The following EXOC6B variants were observed in gnomAD, a reference collection of about 807,000 sequenced individuals.
EXOC6B encodes the protein exocyst complex component 6B, also known as SEC15 homolog B.
EXOC6B carries 54 observed loss-of-function variants against 113.5 expected under a neutral mutation model. That is an observed-to-expected ratio of 0.48 (90% CI 0.38 to 0.60). EXOC6B has a LOEUF of 0.60. Among genes scored for constraint, EXOC6B ranks in the 20% least tolerant of loss-of-function variants. The pLI, the probability that EXOC6B is intolerant of heterozygous loss-of-function variation, is 0.00. For missense variants in EXOC6B, 797 were observed against 977.5 expected (o/e 0.82, Z 2.46); for synonymous variants, 357 against 339.0 (o/e 1.05, Z -0.58).
At chr2:72,434,267 G>A (rs2105308643) in intron 18 of EXOC6B, among the ~76,000 whole-genome samples, 1 of 152,276 alleles carries the variant, frequency 6.6e-6, no homozygotes, top group East Asian at 1.9e-4. Flanking sequence ...CTTGATCATG[G>A]TGGATAAGCT....
chr2:72,735,633 T>C (rs897313378), intron 2 of EXOC6B, among the ~76,000 whole-genome samples: 1 of 151,516 alleles, frequency 6.6e-6, no homozygotes, highest in African/African-American at 2.4e-5. Flanking sequence ...CTGGCCAACA[T>C]GGTGAAACCC....
chr2:72,490,986 A>G (rs575873187), intron 16 of EXOC6B, among the ~76,000 whole-genome samples: 1 of 152,146 alleles, frequency 6.6e-6, no homozygotes, highest in Non-Finnish European at 1.5e-5. Context: ...TATAATGAAG[A>G]GATAGTTCAC....
intron 5 of EXOC6B, among the ~76,000 whole-genome samples, chr2:72,727,545 G>C (rs1433095524): frequency 6.6e-6 from 1 of 152,072 alleles, no homozygotes; most frequent in African/African-American, 2.4e-5. Flanking sequence ...ACTTGAATTG[G>C]GTATGCCGAT....
At chr2:72,264,510 G>A (rs1446076118) in intron 20 of EXOC6B, among the ~76,000 whole-genome samples, 1 of 152,162 alleles carries the variant, frequency 6.6e-6, no homozygotes, top group African/African-American at 2.4e-5. Context: ...GGCAGAGGCT[G>A]CAGTGAGCCA....
chr2:72,184,912 T>A (rs1040664058), intron 20 of EXOC6B, among the ~76,000 whole-genome samples: 2 of 152,176 alleles, frequency 1.3e-5, no homozygotes, highest in African/African-American at 4.8e-5. Context: ...AATTGGGTTA[T>A]GAGTGTTAAA....
intron 6 of EXOC6B, among the ~76,000 whole-genome samples, chr2:72,628,549 T>C (rs1448803385): frequency 6.6e-6 from 1 of 152,132 alleles, no homozygotes; most frequent in African/African-American, 2.4e-5. Flanking sequence ...ACCCACAATA[T>C]GATGGTATTA....
At chr2:72,550,844 T>C (rs1703169649) in intron 8 of EXOC6B, among the ~76,000 whole-genome samples, 1 of 151,956 alleles carries the variant, frequency 6.6e-6, no homozygotes, top group Non-Finnish European at 1.5e-5. Flanking sequence ...CTTTTAAAAA[T>C]ACCAATACTG....
intron 6 of EXOC6B, among the ~76,000 whole-genome samples, chr2:72,637,417 C>T (rs995051254): frequency 6.6e-6 from 1 of 151,408 alleles, no homozygotes; most frequent in Non-Finnish European, 1.5e-5. Context: ...TTATGAGGAA[C>T]TTAAACAAAT....
intron 18 of EXOC6B, among the ~76,000 whole-genome samples, chr2:72,455,390 G>T (rs956724891): frequency 2.0e-5 from 3 of 152,160 alleles, no homozygotes; most frequent in African/African-American, 7.2e-5. Context: ...TCCGGGAATT[G>T]TTCTGGTCAC....
At chr2:72,652,893 C>T (rs185460437) in intron 6 of EXOC6B, among the ~76,000 whole-genome samples, 3 of 151,228 alleles carry the variant, frequency 2.0e-5, no homozygotes, top group Non-Finnish European at 4.4e-5. Context: ...CACCTGCAGT[C>T]CCATCATTTT....
At chr2:72,706,722 C>T (rs1241924141) in intron 6 of EXOC6B, among the ~76,000 whole-genome samples, 1 of 152,102 alleles carries the variant, frequency 6.6e-6, no homozygotes, top group African/African-American at 2.4e-5. Flanking sequence ...CAGACTATGG[C>T]CTCGTGGAAT....
chr2:72,296,713 C>G (rs1169464680), intron 20 of EXOC6B, among the ~76,000 whole-genome samples: 1 of 152,096 alleles, frequency 6.6e-6, no homozygotes, highest in South Asian at 2.1e-4. Context: ...TAAAACACAT[C>G]TCAAGAGACT....
At chr2:72,233,621 C>A (rs999490929) in intron 20 of EXOC6B, among the ~76,000 whole-genome samples, 3 of 152,216 alleles carry the variant, frequency 2.0e-5, no homozygotes, top group Non-Finnish European at 4.4e-5. Flanking sequence ...TCCAGGGGGA[C>A]CTCTACAAGC....
At chr2:72,690,862 T>A (rs1440035065) in intron 6 of EXOC6B, among the ~76,000 whole-genome samples, 1 of 152,212 alleles carries the variant, frequency 6.6e-6, no homozygotes, top group Non-Finnish European at 1.5e-5. Context: ...TCCTCATTCC[T>A]AATACCTGTG....
In EXOC6B at chr2:72,621,992, C is replaced by T. The variant is rs79923971; in HGVS notation, c.670-46324G>A. Among the ~76,000 whole-genome samples, 21 of 151,810 alleles carry T rather than the reference C, an allele frequency of 1.4e-4. No homozygotes were observed. In the East Asian group the frequency reaches 3.9e-3, roughly 28 times the overall value. On this transcript the variant is annotated intron_variant, in intron 6 of 21. Transcript: ENST00000272427. ...TTTAATTAAGATGTTTATACATTAACTTAAAAAGATGTCCATGCCACAATA... is the reference window on the plus strand; with the variant it reads ...TTTAATTAAGATGTTTATACATTAATTTAAAAAGATGTCCATGCCACAATA...
intron 19 of EXOC6B, among the ~76,000 whole-genome samples, chr2:72,361,066 A>G (rs1322071992): frequency 1.3e-5 from 2 of 152,056 alleles, no homozygotes; most frequent in East Asian, 1.9e-4. Context: ...ATCTTGTCTT[A>G]TAACTAGGAT....
At chr2:72,796,393 C>A (rs1684952881) in intron 1 of EXOC6B, among the ~76,000 whole-genome samples, 1 of 146,490 alleles carries the variant, frequency 6.8e-6, no homozygotes, top group Non-Finnish European at 1.5e-5. Context: ...GTGGAGGTTG[C>A]AGTGAGCTGA....
At chr2:72,493,163 G>C (rs982002891) in intron 15 of EXOC6B, among the ~76,000 whole-genome samples, 1 of 152,018 alleles carries the variant, frequency 6.6e-6, no homozygotes, top group Non-Finnish European at 1.5e-5. Flanking sequence ...TCACATGAAT[G>C]GTAGTTACAC....
At chr2:72,368,172 T>C (rs1344690136) in intron 19 of EXOC6B, among the ~76,000 whole-genome samples, 6 of 152,032 alleles carry the variant, frequency 3.9e-5, no homozygotes, top group Non-Finnish European at 8.8e-5. Flanking sequence ...AGAATAATGA[T>C]ACAGGGGATA....
Sources: allele counts gnomAD v4.1 joint callset (sites outside exome capture counted in the v4.1 genomes callset), GRCh38; gene constraint gnomAD v4.1.1; transcripts MANE v1.5; gene names NCBI Gene and HGNC (gene_info 2026-07-23, HGNC 2026-07-21).